The following CASK variants were observed in gnomAD, a reference collection of about 807,000 sequenced individuals.
CASK encodes calcium/calmodulin dependent serine protein kinase.
CASK carries 4 observed loss-of-function variants against 82.9 expected under a neutral mutation model. The ratio of observed to expected loss-of-function variants is 0.05; its 90% CI spans 0.02 to 0.11. CASK has a LOEUF of 0.11. CASK is among the 10% of genes least tolerant of loss of function. The pLI, the probability that CASK is intolerant of heterozygous loss-of-function variation, is 1.00. For synonymous variants in CASK, 259 were observed against 253.5 expected (o/e 1.02, Z -0.20); for missense variants, 358 against 720.9 (o/e 0.50, Z 5.76).
intron 5 of CASK, among the ~76,000 whole-genome samples, chrX:41,687,496 A>G: frequency 8.9e-6 from 1 of 112,239 alleles, no homozygotes; most frequent in Non-Finnish European, 1.9e-5. Context: ...AAGTGTCCAA[A>G]GTAGTCCAAA....
chrX:41,811,477 C>G (rs762160515), intron 2 of CASK, among the ~76,000 whole-genome samples: 36 of 112,585 alleles, frequency 3.2e-4, no homozygotes, highest in African/African-American at 1.1e-3. Flanking sequence ...ACAACCTGCT[C>G]CTGAATGACT....
intron 15 of CASK, among the ~76,000 whole-genome samples, chrX:41,574,596 A>AT (rs1378854014): frequency 3.6e-5 from 4 of 111,377 alleles, no homozygotes; most frequent in African/African-American, 6.5e-5. Context: ...TCATAAACAT[A>AT]TTTTTTGCAC....
intron 2 of CASK, among the ~76,000 whole-genome samples, chrX:41,790,699 A>G (rs757626559): frequency 1.8e-5 from 2 of 112,323 alleles, no homozygotes; most frequent in Non-Finnish European, 3.8e-5. Context: ...TCAAATGATA[A>G]GGGCAATGAT....
rs1259752745 is a variant in CASK at position 41,519,851 on chromosome X, T to C, written c.*569A>G. 4 of 87,395 alleles carry C rather than the reference T, an allele frequency of 4.6e-5. No homozygotes were observed. The allele number at this position is 87,395 out of a possible 1,213,427, so 7.2% of individuals were successfully genotyped here. A position where few individuals can be genotyped will look rare whatever the true frequency, so the allele number is the denominator to read the frequency against. On this transcript the variant is annotated 3_prime_UTR_variant, in exon 27 of 27. Transcript: ENST00000378163. ...AGTATCACATTATCTGGATGTTACA[T>C]AAAGGACTTAAAAAAAAATACTATT...
chrX:41,901,665 C>A (rs961674511), intron 1 of CASK, among the ~76,000 whole-genome samples: 4 of 111,062 alleles, frequency 3.6e-5, no homozygotes, highest in African/African-American at 1.3e-4. Context: ...TTAGGACAGG[C>A]CTACGGCTTG....
intron 22 of CASK, among the ~76,000 whole-genome samples, chrX:41,538,215 G>T (rs2064902448): frequency 2.7e-5 from 3 of 111,130 alleles, no homozygotes; most frequent in Non-Finnish European, 5.7e-5. Context: ...AGAGTTGCTT[G>T]TATTCCAGAA....
Position 41,692,438 on chromosome X carries a change from A to C in CASK, c.430-20908T>G, listed in dbSNP as rs946935880. ...ATTGGTGGTAGTCTCAAAAATCTCC[A>C]GTGGTAAGATCCTTATATTGCCTCC... On this transcript the variant is annotated intron_variant, in intron 5 of 26. Coordinates refer to ENST00000378163, the MANE Select transcript of CASK (RefSeq NM_001367721.1). Among the ~76,000 whole-genome samples the C allele has an allele frequency of 4.5e-5, 5 of 112,297 alleles. No individual in the cohort carries two copies. In the Admixed American group the frequency reaches 4.7e-4, roughly 11 times the overall value.
At chrX:41,591,665 C>T (rs955540820) in intron 12 of CASK, among the ~76,000 whole-genome samples, 6 of 110,127 alleles carry the variant, frequency 5.4e-5, no homozygotes, top group African/African-American at 1.3e-4. Flanking sequence ...TAAGTAGAGA[C>T]GGGGTTTCAC....
Position 41,536,296 on chromosome X carries a change from T to TG in CASK, c.2156-1324dup, listed in dbSNP as rs778602401. Among the ~76,000 whole-genome samples, 31 of 110,738 alleles carry TG rather than the reference T, an allele frequency of 2.8e-4. No individual in the cohort carries two copies. In the South Asian group the frequency reaches 0.012, roughly 41 times the overall value. On this transcript the variant is annotated intron_variant, in intron 22 of 26. Coordinates refer to ENST00000378163, the MANE Select transcript of CASK (RefSeq NM_001367721.1). ...GACAATTTTTGTATTTTTGTTGAGA[T>TG]GGGGTTTCACCATGTTGGCCAGGCT...
Position 41,519,655 on chromosome X carries a change from C to T in CASK, c.*765G>A, listed in dbSNP as rs933467089. On this transcript the variant is annotated 3_prime_UTR_variant, in exon 27 of 27. Coordinates refer to ENST00000378163, the MANE Select transcript of CASK (RefSeq NM_001367721.1). The stretch of plus-strand genomic sequence containing the variant: ...CATAATAGCATTTTATTCTTATTCC[C>T]CTGGGTGTGCCCCATGAACGGAATG... 2.7e-5 allele frequency: 3 copies of T among 110,263 alleles called. No homozygotes were observed. Among genetic ancestry groups the T allele is most frequent in the Non-Finnish European group, 5.7e-5 (3 of 52,870 alleles). 9.1% of individuals were successfully genotyped at this position (110,263 alleles called of 1,213,427 possible). A position where few individuals can be genotyped will look rare whatever the true frequency, so the allele number is the denominator to read the frequency against.
intron 5 of CASK, among the ~76,000 whole-genome samples, chrX:41,710,452 T>C (rs1216563019): frequency 9.0e-6 from 1 of 111,673 alleles, no homozygotes; most frequent in East Asian, 2.8e-4. Context: ...CTGAAGTCGC[T>C]AGAGTTTCTA....
At chrX:41,812,144 G>C (rs1333886270) in intron 2 of CASK, among the ~76,000 whole-genome samples, 1 of 110,269 alleles carries the variant, frequency 9.1e-6, no homozygotes, top group African/African-American at 3.3e-5. Flanking sequence ...ATTCACAGCC[G>C]AATTCTACCA....
chrX:41,632,548 G>A (rs2066487415), intron 9 of CASK, among the ~76,000 whole-genome samples: 1 of 111,612 alleles, frequency 9.0e-6, no homozygotes, highest in East Asian at 2.8e-4. Context: ...GCGCAACAGA[G>A]CAACCAAATT....
rs140776912 is a variant in CASK at position 41,575,240 on chromosome X, C to T, written c.1503+3100G>A. ...ATGAGACAAAAAGGGTCTCCCATGG[C>T]CAGGAGAAGTTCACCTCAAACCAAC... On this transcript the variant is annotated intron_variant, in intron 15 of 26. Transcript: ENST00000378163. Among the ~76,000 whole-genome samples, 952 of 111,822 alleles carry T rather than the reference C, an allele frequency of 8.5e-3. 8 individuals are homozygous for T. The highest frequency in any genetic ancestry group is 0.029 in the African/African-American group (901 of 30,758).
At chrX:41,749,167 T>C (rs2068744838) in intron 3 of CASK, among the ~76,000 whole-genome samples, 1 of 107,845 alleles carries the variant, frequency 9.3e-6, no homozygotes, top group South Asian at 4.2e-4. Context: ...CCTGCGCCTG[T>C]AGTCCTAGCT....
chrX:41,613,481 G>T (rs2066138615), intron 11 of CASK, among the ~76,000 whole-genome samples: 1 of 94,079 alleles, frequency 1.1e-5, no homozygotes, highest in Non-Finnish European at 2.1e-5. Flanking sequence ...AGTACCCAGG[G>T]ACACAAACAC....
intron 21 of CASK, among the ~76,000 whole-genome samples, chrX:41,547,091 C>T (rs757995576): frequency 6.5e-4 from 71 of 109,007 alleles, no homozygotes; most frequent in African/African-American, 2.3e-3. Context: ...CCACCACGCT[C>T]AGCTAATTTT....
chrX:41,750,807 T>A (rs1286369119), intron 3 of CASK, among the ~76,000 whole-genome samples: 1 of 112,217 alleles, frequency 8.9e-6, no homozygotes, highest in African/African-American at 3.2e-5. Flanking sequence ...CACTCCAAAA[T>A]ATGCTGCTTT....
chrX:41,752,415 C>T (rs970475645), intron 3 of CASK, among the ~76,000 whole-genome samples: 1 of 109,921 alleles, frequency 9.1e-6, no homozygotes, highest in Non-Finnish European at 1.9e-5. Context: ...GTCAGCCTCC[C>T]GAGTAGCTGG....
Sources: gnomAD v4.1 joint callset for allele counts (sites outside exome capture counted in the v4.1 genomes callset) on GRCh38, gnomAD v4.1.1 for gene constraint, MANE v1.5 for transcripts, NCBI Gene and HGNC (gene_info 2026-07-23, HGNC 2026-07-21) for gene names.